MICU1: variants seen among roughly 807,000 people sequenced by gnomAD.
MICU1 encodes calcium uptake protein 1, mitochondrial.
MICU1 carries 45 observed loss-of-function variants against 56.8 expected under a neutral mutation model. The ratio of observed to expected loss-of-function variants is 0.79; its 90% CI spans 0.62 to 1.02. The LOEUF is 1.02. Ranked by LOEUF, MICU1 falls within the 50% of genes least tolerant of loss-of-function variation. The probability of loss-of-function intolerance (pLI) is 0.00; values close to 1 mark genes in which losing one functional copy is unlikely to be tolerated. For synonymous variants in MICU1, 186 were observed against 195.1 expected (o/e 0.95, Z 0.39); for missense variants, 504 against 587.1 (o/e 0.86, Z 1.46).
intron 8 of MICU1, among the ~76,000 whole-genome samples, chr10:72,469,854 G>A (rs564424598): frequency 6.6e-6 from 1 of 152,222 alleles, no homozygotes; most frequent in East Asian, 1.9e-4. Context: ...ACAGATGACT[G>A]CCTTCTGGCT....
At chr10:72,515,678 C>A (rs564382238) in intron 5 of MICU1, among the ~76,000 whole-genome samples, 7 of 152,120 alleles carry the variant, frequency 4.6e-5, no homozygotes, top group Non-Finnish European at 7.4e-5. Flanking sequence ...ACTGCTAATC[C>A]CATCTCTGCA....
At chr10:72,557,989 T>A (rs1840200170) in intron 3 of MICU1, among the ~76,000 whole-genome samples, 2 of 152,252 alleles carry the variant, frequency 1.3e-5, no homozygotes, top group African/African-American at 4.8e-5. Context: ...CTAAATAATT[T>A]GGCTTTTTAA....
At chr10:72,501,927 C>T (rs1867080738) in intron 6 of MICU1, 1 of 152,060 alleles carries the variant, frequency 6.6e-6, no homozygotes, top group Non-Finnish European at 1.5e-5. Flanking sequence ...GCATAACATG[C>T]TTTCTTTAGA....
At chr10:72,605,968 T>C (rs1841676435) in intron 1 of MICU1, among the ~76,000 whole-genome samples, 1 of 151,442 alleles carries the variant, frequency 6.6e-6, no homozygotes, top group Non-Finnish European at 1.5e-5. Flanking sequence ...CTATCTCTAC[T>C]AAAAATAAAA....
intron 11 of MICU1, among the ~76,000 whole-genome samples, chr10:72,373,432 C>A (rs570406124): frequency 6.6e-6 from 1 of 152,300 alleles, no homozygotes; most frequent in Admixed American, 6.5e-5. Flanking sequence ...CCATCTCAGC[C>A]TCCCAAGTTG....
chr10:72,440,982 G>T (rs1169933507), intron 8 of MICU1, among the ~76,000 whole-genome samples: 2 of 152,176 alleles, frequency 1.3e-5, no homozygotes, highest in Non-Finnish European at 2.9e-5. Flanking sequence ...CATTGTGGAA[G>T]ACAGTGTGGT....
intron 8 of MICU1, among the ~76,000 whole-genome samples, chr10:72,429,419 CAA>C (rs34154785): frequency 8.8e-5 from 10 of 113,362 alleles, no homozygotes; most frequent in Admixed American, 2.0e-4. Flanking sequence ...GATCCTGCCT[CAA>C]AAAAAAAAAA....
chr10:72,519,721 T>G (rs569440775), intron 5 of MICU1, among the ~76,000 whole-genome samples: 313 of 152,298 alleles, frequency 2.1e-3, no homozygotes, highest in Non-Finnish European at 3.9e-3. Context: ...ATAGGGTTGG[T>G]AATTTTGCCT....
chr10:72,582,795 AAAG>A (rs1840936720), intron 1 of MICU1: 1 of 151,642 alleles, frequency 6.6e-6, no homozygotes, highest in African/African-American at 2.4e-5. Context: ...AAAAAAAAAA[AAAG>A]AACCACTGGG....
chr10:72,505,300 C>A (rs1181146785), intron 6 of MICU1, among the ~76,000 whole-genome samples: 1 of 152,000 alleles, frequency 6.6e-6, no homozygotes, highest in Admixed American at 6.6e-5. Context: ...TTATTAAAAA[C>A]ACAAAAGATA....
At chr10:72,379,642 T>C in intron 10 of MICU1, 1 of 382,032 alleles carries the variant, frequency 2.6e-6, no homozygotes, top group Non-Finnish European at 5.3e-6. Flanking sequence ...CTCTTGACAA[T>C]TTCTAATGAG....
At chr10:72,492,503 C>T (rs1866691280) in intron 6 of MICU1, among the ~76,000 whole-genome samples, 1 of 152,160 alleles carries the variant, frequency 6.6e-6, no homozygotes, top group Non-Finnish European at 1.5e-5. Context: ...TGGCTCCTGC[C>T]TGTAATCCCA....
chr10:72,396,715 C>T (rs891640408), intron 10 of MICU1, among the ~76,000 whole-genome samples: 7 of 151,952 alleles, frequency 4.6e-5, no homozygotes, highest in South Asian at 2.1e-4. Context: ...TGAAATAAAG[C>T]GAGAAGACAA....
At chr10:72,492,529 G>A (rs1483996552) in intron 6 of MICU1, among the ~76,000 whole-genome samples, 1 of 152,120 alleles carries the variant, frequency 6.6e-6, no homozygotes, top group Non-Finnish European at 1.5e-5. Context: ...TTGGGAGGTT[G>A]AGGCGGATGG....
At chr10:72,441,392 C>T (rs1864921501) in intron 8 of MICU1, among the ~76,000 whole-genome samples, 1 of 149,796 alleles carries the variant, frequency 6.7e-6, no homozygotes, top group African/African-American at 2.5e-5. Flanking sequence ...ACATCACACA[C>T]CAGGGCCTGT....
intron 6 of MICU1, among the ~76,000 whole-genome samples, chr10:72,477,836 G>A (rs1564892212): frequency 6.6e-6 from 1 of 151,822 alleles, no homozygotes; most frequent in African/African-American, 2.4e-5. Context: ...TGGTAAGGCA[G>A]AAAAGTACAC....
chr10:72,493,959 T>C (rs1866752111), intron 6 of MICU1, among the ~76,000 whole-genome samples: 3 of 152,316 alleles, frequency 2.0e-5, no homozygotes, highest in South Asian at 2.1e-4. Flanking sequence ...TCAATTCCAA[T>C]AGTTAATCCT....
intron 8 of MICU1, among the ~76,000 whole-genome samples, chr10:72,440,995 T>G (rs1345723862): frequency 6.6e-6 from 1 of 152,200 alleles, no homozygotes; most frequent in Non-Finnish European, 1.5e-5. Context: ...AGTGTGGTGA[T>G]TCCTCAAGGA....
At chr10:72,488,778 G>T (rs983340778) in intron 6 of MICU1, among the ~76,000 whole-genome samples, 4 of 152,106 alleles carry the variant, frequency 2.6e-5, no homozygotes, top group Admixed American at 1.3e-4. Context: ...AAAATGAAAT[G>T]TTTTTTGAGG....
Sources: gnomAD v4.1 joint callset for allele counts (sites outside exome capture counted in the v4.1 genomes callset) on GRCh38, gnomAD v4.1.1 for gene constraint, MANE v1.5 for transcripts, NCBI Gene and HGNC (gene_info 2026-07-23, HGNC 2026-07-21) for gene names.